RPP40: variants seen among roughly 807,000 people sequenced by gnomAD.
The protein encoded by RPP40 is ribonuclease P/MRP subunit p40.
A neutral mutation model predicts 42.5 loss-of-function variants in RPP40; 30 were observed. The observed-to-expected ratio is 0.71, with a 90% CI of 0.53 to 0.96. The LOEUF is 0.96. Ranked by LOEUF, RPP40 falls within the 40% of genes least tolerant of loss-of-function variation. RPP40 has a pLI of 0.00. For synonymous variants in RPP40, 173 were observed against 164.0 expected, an observed-to-expected ratio of 1.05 and a Z score of -0.42; for missense variants, 426 against 433.5, an observed-to-expected ratio of 0.98 and a Z score of 0.15.
At chr6:4,990,592 T>A (rs1417076807), downstream of RPP40, among the ~76,000 whole-genome samples, 1 of 151,892 alleles carries the variant, frequency 6.6e-6, no homozygotes, top group Non-Finnish European at 1.5e-5. Context: ...CAAGCAATCA[T>A]CCTGCCTCAG....
chr6:5,003,174 T>C (rs928559228), intron 1 of RPP40, among the ~76,000 whole-genome samples: 5 of 151,368 alleles, frequency 3.3e-5, no homozygotes, highest in African/African-American at 4.9e-5. Flanking sequence ...CGGTGAAACC[T>C]CGTCTCTACT....
intron 2 of RPP40, chr6:5,000,982 A>T (rs956031802): frequency 1.5e-5 from 7 of 459,468 alleles, no homozygotes; most frequent in Non-Finnish European, 2.6e-5. Flanking sequence ...AAGCATGCAG[A>T]AGACCAAGCT....
chr6:4,994,237 G>A (rs1448363616), downstream of RPP40, among the ~76,000 whole-genome samples: 1 of 134,964 alleles, frequency 7.4e-6, no homozygotes, highest in African/African-American at 2.8e-5. Context: ...CACACACCGG[G>A]GCCTGTTGTG....
intron 1 of RPP40, 176 bp downstream of exon 1, chr6:5,003,704 G>A (rs1759657763): frequency 2.6e-6 from 2 of 755,636 alleles, no homozygotes; most frequent in East Asian, 3.0e-5. Flanking sequence ...CTGTAGCCCT[G>A]CAAGCCACTG....
At chr6:5,002,705 C>A (rs1375413349) in intron 1 of RPP40, among the ~76,000 whole-genome samples, 6 of 152,168 alleles carry the variant, frequency 3.9e-5, no homozygotes, top group Non-Finnish European at 2.9e-5. Flanking sequence ...AATCTATGTG[C>A]AAGCAATGGT....
intron 1 of RPP40, 80 bp downstream of exon 1, chr6:5,003,800 G>A (rs1759664539): frequency 2.8e-6 from 4 of 1,429,164 alleles, no homozygotes; most frequent in African/African-American, 2.9e-5. Context: ...CCCGCCCCGC[G>A]AAGCCTAGCA....
chr6:4,995,232 G>T lies in RPP40; in HGVS notation c.938C>A (p.Ser313Tyr). Residue 313 changes from serine to tyrosine, a missense_variant, in exon 8 of 8, where the codon TCC becomes TAC. Coordinates refer to ENST00000380051, the MANE Select transcript of RPP40 (RefSeq NM_006638.4). ...AGGGCTGTCTGCAAAGCCTTGAACGGACAGTGTAACCCATGGAGCTAACTT... is the reference window on the plus strand; with the variant it reads ...AGGGCTGTCTGCAAAGCCTTGAACGTACAGTGTAACCCATGGAGCTAACTT... The part of the protein sequence containing the change: ...EPKLAPWVTL[S>Y]VQGFADSPVS... The T allele has an allele frequency of 6.2e-7, 1 of 1,614,106 alleles. No individual in the cohort carries two copies. Among genetic ancestry groups the T allele is most frequent in the Non-Finnish European group, 8.5e-7 (1 of 1,180,000 alleles).
At chr6:4,999,006 C>T (rs1759464547) in intron 4 of RPP40, among the ~76,000 whole-genome samples, 165 bp from the exon 5 acceptor site, 1 of 152,014 alleles carries the variant, frequency 6.6e-6, no homozygotes, top group African/African-American at 2.4e-5. Context: ...AAATAAGATC[C>T]CTTTGGTGGG....
At chr6:4,989,912 T>A (rs1434918137), downstream of RPP40, among the ~76,000 whole-genome samples, 2 of 152,236 alleles carry the variant, frequency 1.3e-5, no homozygotes, top group Admixed American at 6.5e-5. Flanking sequence ...CCAACCTGGA[T>A]GTCCATTATT....
At chr6:4,998,640 C>T in intron 5 of RPP40, 76 bp downstream of exon 5, 1 of 994,392 alleles carries the variant, frequency 1.0e-6, no homozygotes, top group Non-Finnish European at 1.5e-6. Flanking sequence ...AATCACCATT[C>T]AATCCTCCAT....
At chr6:4,993,426 A>G (rs1476948025), downstream of RPP40, among the ~76,000 whole-genome samples, 1 of 152,180 alleles carries the variant, frequency 6.6e-6, no homozygotes, top group Non-Finnish European at 1.5e-5. Context: ...TTATTTCTGT[A>G]AGCATAAAGC....
At chr6:4,997,609 A>G (rs1759420656) in intron 5 of RPP40, among the ~76,000 whole-genome samples, 1 of 152,184 alleles carries the variant, frequency 6.6e-6, no homozygotes, top group African/African-American at 2.4e-5. Context: ...CTCAGCCTCC[A>G]TAACTGCATG....
chr6:4,990,790 C>T (rs275259), downstream of RPP40, among the ~76,000 whole-genome samples: 45,193 of 151,626 alleles, frequency 0.3, 7,273 homozygotes, highest in African/African-American at 0.43. Flanking sequence ...CCTAGATTTT[C>T]GTTACATGTT....
In RPP40 at chr6:4,998,726, CCA is replaced by C; in HGVS notation, c.547_548del (p.Trp183AlafsTer2). 6.5e-7 allele frequency: 1 copy of C among 1,547,984 alleles called. No homozygotes were observed. Among genetic ancestry groups the C allele is most frequent in the Non-Finnish European group, 8.8e-7 (1 of 1,141,870 alleles). On this transcript the variant is annotated frameshift_variant, in exon 5 of 8. Transcript: ENST00000380051. LOFTEE classifies it high-confidence loss of function. ...ATTTATTCCTCATACCTGTTTTATG[CCA>C]AGCCAAAAGAAAATCAAATTTCAAT... The part of the protein sequence containing the change: ...KPLKFDFLLA[W>X]HKTGSEESTM...
Position 5,002,081 on chromosome 6 carries a change from C to A in RPP40, c.268+20G>T. ...CTTCCTCATCCAGCCTTGTTCACAG[C>A]CATTTCAGGTTTTTCTTACCTTTCT... is the stretch of plus-strand genomic sequence containing the variant. On this transcript the variant is annotated intron_variant, in intron 2 of 7. Transcript: ENST00000380051. 1 of 1,606,686 alleles carries A rather than the reference C, an allele frequency of 6.2e-7. No individual in the cohort carries two copies. Among genetic ancestry groups the A allele is most frequent in the Non-Finnish European group, 8.5e-7 (1 of 1,175,706 alleles).
chr6:4,993,664 CTT>C (rs1759292102), downstream of RPP40, among the ~76,000 whole-genome samples: 2 of 152,174 alleles, frequency 1.3e-5, no homozygotes, highest in African/African-American at 4.8e-5. Context: ...AAATTTCCCT[CTT>C]GAGATTTTTT....
chr6:4,992,927 C>T (rs1250049587), downstream of RPP40, among the ~76,000 whole-genome samples: 2 of 152,168 alleles, frequency 1.3e-5, no homozygotes, highest in African/African-American at 4.8e-5. Context: ...ACTTATCACA[C>T]TCTATCTTCA....
At chr6:5,001,201 C>T in intron 2 of RPP40, 1 of 453,878 alleles carries the variant, frequency 2.2e-6, no homozygotes, top group Non-Finnish European at 4.4e-6. Flanking sequence ...CCTCTCCAAG[C>T]CTCAGTTTCC....
chr6:4,990,105 T>C (rs275253), downstream of RPP40, among the ~76,000 whole-genome samples: 45,161 of 151,938 alleles, frequency 0.3, 7,227 homozygotes, highest in African/African-American at 0.43. Context: ...GAAGAAGTGT[T>C]GTTTATTCCT....
Sources: allele counts gnomAD v4.1 joint callset (sites outside exome capture counted in the v4.1 genomes callset), GRCh38; gene constraint gnomAD v4.1.1; transcripts MANE v1.5; gene names NCBI Gene and HGNC (gene_info 2026-07-23, HGNC 2026-07-21).